Variants in HS3ST4 observed in about 807,000 individuals in gnomAD.
HS3ST4 encodes the protein heparan sulfate glucosamine 3-O-sulfotransferase 4.
A neutral mutation model predicts 29.2 loss-of-function variants in HS3ST4; 17 were observed. The ratio of observed to expected loss-of-function variants is 0.58; its 90% CI spans 0.40 to 0.87. HS3ST4 has a LOEUF of 0.87. HS3ST4 is among the 40% of genes least tolerant of loss of function. The pLI, the probability that HS3ST4 is intolerant of heterozygous loss-of-function variation, is 0.00. For synonymous variants in HS3ST4, 314 were observed against 285.7 expected, an observed-to-expected ratio of 1.10 and a Z score of -1.00; for missense variants, 627 against 634.5, an observed-to-expected ratio of 0.99 and a Z score of 0.13.
intron 1 of HS3ST4, among the ~76,000 whole-genome samples, chr16:26,096,574 T>C (rs1898928583): frequency 6.6e-6 from 1 of 152,158 alleles, no homozygotes; most frequent in Non-Finnish European, 1.5e-5. Flanking sequence ...CTCAATAAAC[T>C]AGATATTGAT....
At chr16:25,794,896 T>TACACACACAC (rs59740575) in intron 1 of HS3ST4, among the ~76,000 whole-genome samples, 338 of 136,674 alleles carry the variant, frequency 2.5e-3, no homozygotes, top group African/African-American at 8.5e-3. Context: ...TACTCAAGAA[T>TACACACACAC]ACACACACAC....
chr16:25,989,352 T>C (rs7191801), intron 1 of HS3ST4, among the ~76,000 whole-genome samples: 40,427 of 152,168 alleles, frequency 0.27, 5,551 homozygotes, highest in South Asian at 0.3. Context: ...GAGCAAACAG[T>C]GATTTATGAA....
chr16:25,725,248 T>C (rs2141591298), intron 1 of HS3ST4, among the ~76,000 whole-genome samples: 1 of 152,298 alleles, frequency 6.6e-6, no homozygotes, highest in East Asian at 1.9e-4. Context: ...CCTGGTCATC[T>C]CATTTATTTA....
At chr16:25,799,814 GTCTA>G (rs1348543307) in intron 1 of HS3ST4, among the ~76,000 whole-genome samples, 1 of 150,120 alleles carries the variant, frequency 6.7e-6, no homozygotes, top group African/African-American at 2.5e-5. Context: ...CTGTCTGTCT[GTCTA>G]TCTATCTATG....
At chr16:25,924,687 A>G (rs1332839858) in intron 1 of HS3ST4, among the ~76,000 whole-genome samples, 1 of 152,110 alleles carries the variant, frequency 6.6e-6, no homozygotes, top group Non-Finnish European at 1.5e-5. Context: ...TGCATGTGCA[A>G]TTTCTTCATT....
chr16:25,766,257 C>T (rs749964431), intron 1 of HS3ST4, among the ~76,000 whole-genome samples: 19 of 152,066 alleles, frequency 1.2e-4, no homozygotes, highest in Non-Finnish European at 1.8e-4. Flanking sequence ...GAAGGCGTCT[C>T]CCCAATCTCC....
At chr16:25,964,691 A>G (rs1325512882) in intron 1 of HS3ST4, among the ~76,000 whole-genome samples, 1 of 152,240 alleles carries the variant, frequency 6.6e-6, no homozygotes, top group Non-Finnish European at 1.5e-5. Context: ...GTTAAGGACA[A>G]TTAATCAGTA....
At chr16:25,726,563 A>G (rs1966536217) in intron 1 of HS3ST4, among the ~76,000 whole-genome samples, 1 of 152,172 alleles carries the variant, frequency 6.6e-6, no homozygotes, top group Non-Finnish European at 1.5e-5. Flanking sequence ...CTTTTGGTAC[A>G]CATTACTAAA....
intron 1 of HS3ST4, among the ~76,000 whole-genome samples, chr16:26,106,620 C>T (rs1301526271): frequency 6.6e-6 from 1 of 152,136 alleles, no homozygotes; most frequent in Non-Finnish European, 1.5e-5. Context: ...CAGCCACATA[C>T]CTTTGGGCAG....
intron 1 of HS3ST4, among the ~76,000 whole-genome samples, chr16:25,833,601 A>G (rs1031211068): frequency 4.6e-5 from 7 of 152,226 alleles, no homozygotes; most frequent in Admixed American, 1.3e-4. Context: ...AATTGGAGCC[A>G]GTAATGCTTG....
chr16:25,863,874 T>C (rs1967663278), intron 1 of HS3ST4, among the ~76,000 whole-genome samples: 1 of 152,252 alleles, frequency 6.6e-6, no homozygotes, highest in Non-Finnish European at 1.5e-5. Flanking sequence ...TATCACAGAC[T>C]GGATGGTTTA....
intron 1 of HS3ST4, among the ~76,000 whole-genome samples, chr16:25,765,803 T>C (rs1290966095): frequency 6.6e-6 from 1 of 152,040 alleles, no homozygotes; most frequent in Non-Finnish European, 1.5e-5. Context: ...GTGCCCCATG[T>C]AGTCCAAGCA....
At chr16:25,904,107 A>G (rs9926751) in intron 1 of HS3ST4, among the ~76,000 whole-genome samples, 2,165 of 142,586 alleles carry the variant, frequency 0.015, 31 homozygotes, top group Non-Finnish European at 0.022. Context: ...TGAATGGATG[A>G]ATGGATGGAT....
At chr16:26,042,140 A>G (rs1969641228) in intron 1 of HS3ST4, among the ~76,000 whole-genome samples, 1 of 152,156 alleles carries the variant, frequency 6.6e-6, no homozygotes, top group Non-Finnish European at 1.5e-5. Context: ...CGCCTGCCTT[A>G]TGTTCCAGCA....
At chr16:25,873,431 A>AATCC (rs1342939679) in intron 1 of HS3ST4, among the ~76,000 whole-genome samples, 8 of 51,938 alleles carry the variant, frequency 1.5e-4, no homozygotes, top group Admixed American at 4.2e-4. Context: ...TCCATCCATT[A>AATCC]ATCCATCCAT....
chr16:25,903,341 A>C (rs187981656), intron 1 of HS3ST4, among the ~76,000 whole-genome samples: 205 of 141,540 alleles, frequency 1.4e-3, no homozygotes, highest in African/African-American at 5.0e-3. Context: ...ATATGTATAT[A>C]TTATATATAT....
intron 1 of HS3ST4, among the ~76,000 whole-genome samples, chr16:25,929,854 G>A (rs141798610): frequency 1.3e-5 from 2 of 152,206 alleles, no homozygotes; most frequent in Middle Eastern, 3.4e-3. Flanking sequence ...TGTTATATAG[G>A]TAAACTTGCG....
At chr16:25,961,861 A>G (rs1968796174) in intron 1 of HS3ST4, among the ~76,000 whole-genome samples, 1 of 152,222 alleles carries the variant, frequency 6.6e-6, no homozygotes, top group Non-Finnish European at 1.5e-5. Flanking sequence ...TTTCTTACTT[A>G]GAAAGTTCAT....
intron 1 of HS3ST4, among the ~76,000 whole-genome samples, chr16:26,117,118 C>T (rs570271815): frequency 1.9e-4 from 29 of 152,308 alleles, no homozygotes; most frequent in African/African-American, 7.0e-4. Flanking sequence ...TGACCAGGAA[C>T]CATCACATAC....
Sources: allele counts gnomAD v4.1 joint callset (sites outside exome capture counted in the v4.1 genomes callset), GRCh38; gene constraint gnomAD v4.1.1; transcripts MANE v1.5; gene names NCBI Gene and HGNC (gene_info 2026-07-23, HGNC 2026-07-21).